Variants in ESCO1 observed in about 807,000 individuals in gnomAD.
ESCO1 encodes establishment of sister chromatid cohesion N-acetyltransferase 1, also known as N-acetyltransferase ESCO1.
Under a neutral mutation model 83.5 loss-of-function variants are expected in ESCO1, and 33 were observed. The ratio of observed to expected loss-of-function variants is 0.40; its 90% CI spans 0.30 to 0.53. The LOEUF is 0.53. ESCO1 is among the 20% of genes least tolerant of loss of function. The pLI is 0.63. For missense variants in ESCO1, 855 were observed against 968.0 expected (o/e 0.88, Z 1.55); for synonymous variants, 332 against 324.3 (o/e 1.02, Z -0.25).
intron 2 of ESCO1, among the ~76,000 whole-genome samples, chr18:21,579,792 GCGCACACACACACACACACACA>G (rs1230930805): frequency 2.5e-4 from 34 of 134,992 alleles, no homozygotes; most frequent in Non-Finnish European, 3.8e-4. Context: ...ACACGCGCGC[GCGCACACACACACACACACACA>G]CACACACACA....
chr18:21,574,291 C>T lies in ESCO1; in HGVS notation c.553G>A (p.Asp185Asn). Residue 185 changes from aspartate to asparagine, a missense_variant, in exon 4 of 12, where the codon GAC becomes AAC. By Grantham distance (23) the Asp-to-Asn change is conservative. Around this residue, in one of 2 missense-constraint regions of ESCO1, gnomAD observed 726 missense variants for 699.5 expected, o/e 1.04. Coordinates refer to ENST00000269214, the MANE Select transcript of ESCO1 (RefSeq NM_052911.3). ...VKRKVLEVKS[D>N]SKEDENLVIN... ...ACTAGATTTTCATCTTCTTTAGAGT[C>T]AGACTTTACTTCCAGTACTTTTCTC... 2 of 1,613,688 alleles carry T rather than the reference C, an allele frequency of 1.2e-6. No individual in the cohort carries two copies. The highest frequency in any genetic ancestry group is 1.7e-5 in the Admixed American group (1 of 59,938).
In ESCO1 at chr18:21,575,434, A is replaced by C. The variant is rs183476229; in HGVS notation, c.-587-4T>G. The C allele has an allele frequency of 2.5e-6, 1 of 398,206 alleles. No individual in the cohort carries two copies. The highest frequency in any genetic ancestry group is 4.4e-6 in the Non-Finnish European group (1 of 225,856). The allele number at this position is 398,206 out of a possible 1,614,324, so 24.7% of individuals were successfully genotyped here. A position where few individuals can be genotyped will look rare whatever the true frequency, so the allele number is the denominator to read the frequency against. On this transcript the variant is annotated splice_region_variant and splice_polypyrimidine_tract_variant and intron_variant, in intron 3 of 11. Transcript: ENST00000269214. ...ATTTCCTTTTGTGCTGCCGTTTCTGAAAAATTAAAAAACAAAAATAAAGTT... is the reference window on the plus strand; with the variant it reads ...ATTTCCTTTTGTGCTGCCGTTTCTGCAAAATTAAAAAACAAAAATAAAGTT...
intron 8 of ESCO1, among the ~76,000 whole-genome samples, chr18:21,557,027 C>A (rs1232956793): frequency 6.6e-6 from 1 of 152,154 alleles, no homozygotes; most frequent in East Asian, 1.9e-4. Flanking sequence ...AGTTTCTCAT[C>A]AATGTTCTTT....
intron 6 of ESCO1, among the ~76,000 whole-genome samples, chr18:21,565,424 T>C (rs1026264763): frequency 1.2e-4 from 18 of 152,334 alleles, no homozygotes; most frequent in Admixed American, 8.5e-4. Flanking sequence ...TCAAACACTA[T>C]TGAGACAGGC....
chr18:21,537,226 C>T (rs2037848576), intron 9 of ESCO1, among the ~76,000 whole-genome samples: 1 of 152,212 alleles, frequency 6.6e-6, no homozygotes, highest in African/African-American at 2.4e-5. Flanking sequence ...TCTGTAGGTA[C>T]TCAACCATTA....
At chr18:21,531,628 G>A (rs1331315808) in intron 11 of ESCO1, among the ~76,000 whole-genome samples, 1 of 152,008 alleles carries the variant, frequency 6.6e-6, no homozygotes, top group Non-Finnish European at 1.5e-5. Flanking sequence ...AGACCAGCCT[G>A]GGGAACATGG....
intron 9 of ESCO1, among the ~76,000 whole-genome samples, chr18:21,539,664 A>G (rs1431434710): frequency 6.6e-6 from 1 of 152,108 alleles, no homozygotes; most frequent in Admixed American, 6.6e-5. Flanking sequence ...AGCCTGGCCA[A>G]TATGGTGAAA....
intron 7 of ESCO1, among the ~76,000 whole-genome samples, chr18:21,563,450 C>T (rs539892435): frequency 1.3e-5 from 2 of 152,282 alleles, no homozygotes; most frequent in South Asian, 2.1e-4. Context: ...CAGGTTCATG[C>T]GACTCTCCTG....
intron 8 of ESCO1, among the ~76,000 whole-genome samples, chr18:21,549,975 A>G (rs1330737795): frequency 6.6e-6 from 1 of 152,096 alleles, no homozygotes; most frequent in Non-Finnish European, 1.5e-5. Flanking sequence ...AAAAAAAAAA[A>G]AAGAAGGTCA....
At chr18:21,568,280 T>C (rs545841757) in intron 4 of ESCO1, among the ~76,000 whole-genome samples, 186 bp from the exon 5 acceptor site, 1 of 152,210 alleles carries the variant, frequency 6.6e-6, no homozygotes, top group South Asian at 2.1e-4. Flanking sequence ...TTATTACCCT[T>C]CATGCTAAAT....
chr18:21,578,632 A>T (rs1598473666), intron 2 of ESCO1, among the ~76,000 whole-genome samples: 1 of 152,124 alleles, frequency 6.6e-6, no homozygotes, highest in Non-Finnish European at 1.5e-5. Flanking sequence ...AGGCAGGAGG[A>T]TCACTTGAAG....
chr18:21,533,254 A>T (rs1193336531), intron 10 of ESCO1, among the ~76,000 whole-genome samples: 1 of 152,136 alleles, frequency 6.6e-6, no homozygotes, highest in Non-Finnish European at 1.5e-5. Context: ...AATAAAAAAT[A>T]TCTCTGCCAG....
chr18:21,572,315 T>C lies in ESCO1; in HGVS notation c.1530+999A>G, dbSNP rs141178026. 5.3e-5 allele frequency among the ~76,000 whole-genome samples: 8 copies of C among 152,346 alleles called. No homozygotes were observed. The East Asian group carries it at 1.5e-3, about 29-fold the overall frequency. ...GTTCCAGGGTTCTATGCATATAAAA[T>C]TTCTGCTTATTGGTTTTATATATTA... On this transcript the variant is annotated intron_variant, in intron 4 of 11. Coordinates refer to ENST00000269214, the MANE Select transcript of ESCO1 (RefSeq NM_052911.3).
intron 9 of ESCO1, 40 bp downstream of exon 9, chr18:21,539,880 G>T: frequency 1.7e-5 from 26 of 1,488,516 alleles, no homozygotes; most frequent in South Asian, 4.8e-5. Context: ...ACTGCAAAAT[G>T]ATATTATCCA....
At position 21,574,017 on chromosome 18, in the gene ESCO1, A is replaced by G. The variant is rs139277412; in HGVS notation, c.827T>C (p.Leu276Pro). 562 of 1,613,016 alleles carry G rather than the reference A, an allele frequency of 3.5e-4. 1 individual carries two copies. Among genetic ancestry groups the G allele is most frequent in the Non-Finnish European group, 4.4e-4 (525 of 1,179,960 alleles). ...CACTGATGGCTGTGGACTTTTTGGG[A>G]GTGTTGTGTTAGTATTCACTTGTGT... The part of the protein sequence containing the change: ...VHTQVNTNTT[L>P]PKSPQPSVPE... The change falls in exon 4 of 12, where the codon CTC (leucine) becomes CCC (proline). Residue 276 changes from leucine to proline, a missense_variant. Leu to Pro is a moderately conservative substitution (Grantham distance 98). This residue lies in a region of ESCO1 where 726 missense variants were observed against 699.5 expected (regional missense o/e 1.04). Transcript: ENST00000269214.
intron 8 of ESCO1, among the ~76,000 whole-genome samples, chr18:21,555,018 C>T (rs1435283283): frequency 6.6e-6 from 1 of 152,160 alleles, no homozygotes; most frequent in Non-Finnish European, 1.5e-5. Context: ...ATTGCTTGAA[C>T]CCGGGAAACG....
rs543910742 is a variant in ESCO1 at position 21,569,728 on chromosome 18, C to T, written c.1531-1634G>A. 5.3e-5 allele frequency among the ~76,000 whole-genome samples: 8 copies of T among 152,164 alleles called. No individual in the cohort carries two copies. In the East Asian group the frequency reaches 1.4e-3, roughly 26 times the overall value. On this transcript the variant is annotated intron_variant, in intron 4 of 11. Transcript: ENST00000269214. ...CATTGCACTTAGCTGGGTGTGGTGG[C>T]GGTCCCAGTTACTCACGAGGCTAAG...
intron 2 of ESCO1, among the ~76,000 whole-genome samples, chr18:21,578,579 G>C (rs948106232): frequency 1.3e-5 from 2 of 152,114 alleles, no homozygotes; most frequent in Non-Finnish European, 2.9e-5. Context: ...AAGACTGCCA[G>C]GTACAGTGGC....
intron 1 of ESCO1, among the ~76,000 whole-genome samples, chr18:21,599,109 A>AG (rs1251057926): frequency 7.9e-5 from 12 of 152,104 alleles, no homozygotes; most frequent in Non-Finnish European, 1.8e-4. Flanking sequence ...TTGGAGGCCC[A>AG]GGTGATCACT....
Sources: gnomAD v4.1 joint callset for allele counts (sites outside exome capture counted in the v4.1 genomes callset) on GRCh38, gnomAD v4.1.1 for gene constraint, gnomAD v4.1.1 regional missense constraint, MANE v1.5 for transcripts, NCBI Gene and HGNC (gene_info 2026-07-23, HGNC 2026-07-21) for gene names.